The following IQSEC3 variants were observed in gnomAD, a reference collection of about 807,000 sequenced individuals.
IQSEC3 encodes the protein IQ motif and SEC7 domain-containing protein 3.
In IQSEC3, 50 loss-of-function variants were observed where a neutral mutation model predicts 105.4. That is an observed-to-expected ratio of 0.47 (90% CI 0.38 to 0.60). IQSEC3 has a LOEUF of 0.60. IQSEC3 is among the 20% of genes least tolerant of loss of function. IQSEC3 has a pLI of 0.00. For missense variants in IQSEC3, 1,415 were observed against 1,630.0 expected (o/e 0.87, Z 2.27); for synonymous variants, 708 against 746.0 (o/e 0.95, Z 0.83).
At chr12:78,246 C>A (rs1555069851) in intron 1 of IQSEC3, among the ~76,000 whole-genome samples, 1 of 151,748 alleles carries the variant, frequency 6.6e-6, no homozygotes, top group Non-Finnish European at 1.5e-5. Context: ...GGCGCTGCGG[C>A]ACCGCCCGCC....
rs1011687088 is a variant in IQSEC3, at chr12:170,983, A to G, written c.3065-129A>G. 1.4e-4 allele frequency: 156 copies of G among 1,138,492 alleles called. 2 individuals are homozygous for G. The East Asian group carries it at 3.7e-3, about 27-fold the overall frequency. 70.5% of individuals were successfully genotyped at this position (1,138,492 alleles called of 1,614,324 possible). ...TCCTAAGTGGCAGAGTGGGGCTCCC[A>G]ACCTCCGCCTCAGTGAGGAGCAGTG... On this transcript the variant is annotated intron_variant, in intron 12 of 13. Transcript: ENST00000538872.
chr12:149,693 G>C lies in IQSEC3; in HGVS notation c.2154-7332G>C, dbSNP rs569446873. Among the ~76,000 whole-genome samples the C allele has an allele frequency of 6.6e-5, 10 of 152,314 alleles. No homozygotes were observed. In the South Asian group the frequency reaches 1.7e-3, roughly 25 times the overall value. On this transcript the variant is annotated intron_variant, in intron 5 of 13. Coordinates refer to ENST00000538872, the MANE Select transcript of IQSEC3 (RefSeq NM_001170738.2). The stretch of plus-strand genomic sequence containing the variant: ...TATGACACAGGGAGATAAACGCAAT[G>C]GTCGACAGAAGGTGGGTTCCGGGGA...
At chr12:74,899 T>C (rs1206101280) in intron 1 of IQSEC3, among the ~76,000 whole-genome samples, 1 of 152,278 alleles carries the variant, frequency 6.6e-6, no homozygotes, top group African/African-American at 2.4e-5. Flanking sequence ...CAGATTCTCT[T>C]AACTCTTCAT....
intron 3 of IQSEC3, among the ~76,000 whole-genome samples, chr12:136,258 G>A (rs1194963357): frequency 1.1e-5 from 1 of 94,306 alleles, no homozygotes; most frequent in Non-Finnish European, 2.7e-5. Flanking sequence ...CCCCAGGTTT[G>A]GGAATGGGGA....
At chr12:79,404 T>C (rs188962533) in intron 1 of IQSEC3, among the ~76,000 whole-genome samples, 1 of 152,270 alleles carries the variant, frequency 6.6e-6, no homozygotes, top group African/African-American at 2.4e-5. Flanking sequence ...ACACACAAAA[T>C]TGCTAATGTA....
At chr12:108,156 G>A (rs1591662601) in intron 2 of IQSEC3, among the ~76,000 whole-genome samples, 1 of 152,176 alleles carries the variant, frequency 6.6e-6, no homozygotes, top group South Asian at 2.1e-4. Context: ...TCTGATGGCC[G>A]TTTACATGAA....
intron 12 of IQSEC3, 58 bp from the exon 13 acceptor site, chr12:171,054 G>C (rs1555100075): frequency 6.2e-7 from 1 of 1,601,910 alleles, no homozygotes; most frequent in East Asian, 2.2e-5. Context: ...GCACAGGGGA[G>C]GGGCAGGGGC....
intron 2 of IQSEC3, among the ~76,000 whole-genome samples, chr12:125,360 C>T (rs2136967532): frequency 6.6e-6 from 1 of 152,266 alleles, no homozygotes; most frequent in South Asian, 2.1e-4. Context: ...ACCGCTCTGC[C>T]ATACTGCTTC....
chr12:154,890 C>T (rs368234522), intron 5 of IQSEC3, among the ~76,000 whole-genome samples: 4 of 151,946 alleles, frequency 2.6e-5, no homozygotes, highest in East Asian at 1.9e-4. Flanking sequence ...TGCTCTCTGT[C>T]GAATTAGACT....
chr12:160,802 T>G (rs1208889358), intron 7 of IQSEC3, among the ~76,000 whole-genome samples: 1 of 152,238 alleles, frequency 6.6e-6, no homozygotes, highest in African/African-American at 2.4e-5. Context: ...GGTTCAGCTT[T>G]CTCAGGTTTG....
intron 5 of IQSEC3, 98 bp downstream of exon 5, chr12:141,383 C>T (rs4980797): frequency 7.7e-7 from 1 of 1,296,486 alleles, no homozygotes; most frequent in African/African-American, 1.5e-5. Context: ...CGCTCCAGTT[C>T]TAACAGCTTC....
chr12:123,560 C>G (rs868923456), intron 2 of IQSEC3, among the ~76,000 whole-genome samples: 13 of 152,350 alleles, frequency 8.5e-5, no homozygotes, highest in African/African-American at 3.1e-4. Context: ...AGATTTTTCA[C>G]GGCCAGGGCC....
intron 5 of IQSEC3, among the ~76,000 whole-genome samples, chr12:145,131 C>G (rs1866208686): frequency 1.3e-5 from 2 of 152,218 alleles, no homozygotes; most frequent in African/African-American, 2.4e-5. Flanking sequence ...CTAGGCCCAG[C>G]CTGTTTGTTT....
At chr12:168,432 G>A (rs1938790388) in intron 11 of IQSEC3, among the ~76,000 whole-genome samples, 1 of 152,206 alleles carries the variant, frequency 6.6e-6, no homozygotes, top group African/African-American at 2.4e-5. Context: ...GGCGCCGGGT[G>A]GAGAGGTGGG....
At chr12:83,960 C>T (rs781918170) in intron 1 of IQSEC3, among the ~76,000 whole-genome samples, 2 of 152,208 alleles carry the variant, frequency 1.3e-5, no homozygotes, top group South Asian at 4.1e-4. Flanking sequence ...ACAGTCCCTA[C>T]TTCACAGAGG....
At chr12:71,448 C>T (rs1863314032) in intron 1 of IQSEC3, among the ~76,000 whole-genome samples, 1 of 152,234 alleles carries the variant, frequency 6.6e-6, no homozygotes, top group African/African-American at 2.4e-5. Flanking sequence ...ATTGCAGCTG[C>T]CTAAAGCAAT....
intron 3 of IQSEC3, 50 bp downstream of exon 3, chr12:125,962 T>C (rs11608642): frequency 0.77 from 1,164,769 of 1,504,344 alleles, 460,652 homozygotes; most frequent in Non-Finnish European, 0.81. Flanking sequence ...GGGGCCCTGC[T>C]TTGGGGGCTG....
At chr12:116,684 CA>C (rs1865059496) in intron 2 of IQSEC3, among the ~76,000 whole-genome samples, 1 of 152,266 alleles carries the variant, frequency 6.6e-6, no homozygotes, top group African/African-American at 2.4e-5. Context: ...CCCTTGGAGG[CA>C]CTTCCCTGAC....
In IQSEC3 at chr12:139,221, G is replaced by A; in HGVS notation, c.1858G>A (p.Asp620Asn). Residue 620 changes from aspartate (D) to asparagine (N), a missense_variant, in exon 4 of 14, where the codon GAC becomes AAC. Around this residue, in one of 6 missense-constraint regions of IQSEC3, gnomAD observed 720 missense variants for 633.0 expected, o/e 1.14. Coordinates refer to ENST00000538872, the MANE Select transcript of IQSEC3 (RefSeq NM_001170738.2). The part of the protein sequence containing the change: ...GSEASASASK[D>N]ALQAMILSLP... Reference sequence around the variant, plus strand: ...GGAGGCGTCGGCCTCCGCCTCCAAGGACGCCCTGCAGGCCATGATCCTGAG... The same window carrying A: ...GGAGGCGTCGGCCTCCGCCTCCAAGAACGCCCTGCAGGCCATGATCCTGAG... The A allele has an allele frequency of 6.2e-7, 1 of 1,603,848 alleles. No homozygotes were observed. Among genetic ancestry groups the A allele is most frequent in the Admixed American group, 1.7e-5 (1 of 59,176 alleles).
Sources: gnomAD v4.1 joint callset for allele counts (sites outside exome capture counted in the v4.1 genomes callset) on GRCh38, gnomAD v4.1.1 for gene constraint, gnomAD v4.1.1 regional missense constraint, MANE v1.5 for transcripts, NCBI Gene and HGNC (gene_info 2026-07-23, HGNC 2026-07-21) for gene names.